Variants in ALK observed in about 807,000 individuals in gnomAD.
ALK encodes the protein ALK receptor tyrosine kinase, also known as ALK tyrosine kinase receptor.
In ALK, 74 loss-of-function variants were observed where a neutral mutation model predicts 163.1. The observed-to-expected ratio is 0.45, with a 90% CI of 0.38 to 0.55. The LOEUF (loss-of-function observed/expected upper bound fraction) is 0.55. Among genes scored for constraint, ALK ranks in the 20% least tolerant of loss-of-function variants. The pLI is 0.00. For missense variants in ALK, 2,063 were observed against 2,105.3 expected, an observed-to-expected ratio of 0.98 and a Z score of 0.39; for synonymous variants, 960 against 843.2, an observed-to-expected ratio of 1.14 and a Z score of -2.40.
chr2:29,391,310 G>T (rs1366811081), intron 4 of ALK, among the ~76,000 whole-genome samples: 3 of 142,696 alleles, frequency 2.1e-5, no homozygotes, highest in African/African-American at 7.7e-5. Flanking sequence ...TTTTTTGGGG[G>T]GGGGGTGGTG....
chr2:29,396,836 G>GTTTTTTTTTTTTTTTTTTTTT lies in ALK; in HGVS notation c.1155-12998_1155-12978dup, dbSNP rs10654058. On this transcript the variant is annotated intron_variant, in intron 4 of 28. Coordinates refer to ENST00000389048, the MANE Select transcript of ALK (RefSeq NM_004304.5). ...TACCCAGAGGCCCTTTGTTACTATG[G>GTTTTTTTTTTTTTTTTTTTTT]TTTTTTTTTTTTTTTTTTTTTTTTG... 4.1e-4 allele frequency among the ~76,000 whole-genome samples: 19 copies of GTTTTTTTTTTTTTTTTTTTTT among 46,618 alleles called. 6 individuals are homozygous for GTTTTTTTTTTTTTTTTTTTTT. Among genetic ancestry groups the GTTTTTTTTTTTTTTTTTTTTT allele is most frequent in the Admixed American group, 8.6e-4 (2 of 2,334 alleles). 30.6% of individuals were successfully genotyped at this position (46,618 alleles called of 152,430 possible). A position where few individuals can be genotyped will look rare whatever the true frequency, so the allele number is the denominator to read the frequency against.
chr2:29,776,491 T>A (rs1487049394), intron 1 of ALK, among the ~76,000 whole-genome samples: 1 of 152,172 alleles, frequency 6.6e-6, no homozygotes, highest in Non-Finnish European at 1.5e-5. Flanking sequence ...CTGCACCACT[T>A]TGGTCAGAGG....
intron 1 of ALK, among the ~76,000 whole-genome samples, chr2:29,825,748 G>A (rs937117456): frequency 2.0e-5 from 3 of 151,648 alleles, no homozygotes; most frequent in Admixed American, 6.6e-5. Context: ...CCAAAGATTC[G>A]ACAGATGAAG....
At chr2:29,808,056 G>C (rs1314625886) in intron 1 of ALK, among the ~76,000 whole-genome samples, 1 of 151,988 alleles carries the variant, frequency 6.6e-6, no homozygotes, top group African/African-American at 2.4e-5. Flanking sequence ...CTCATTGTTT[G>C]GTTTTCATTT....
chr2:29,648,969 T>G (rs1676962579), intron 3 of ALK, among the ~76,000 whole-genome samples: 1 of 152,192 alleles, frequency 6.6e-6, no homozygotes, highest in Non-Finnish European at 1.5e-5. Context: ...ATTCACATTT[T>G]GAACACATTT....
rs1023546745 is a variant in ALK, at chr2:29,295,265, C to A, written c.1817+1623G>T. 3.9e-5 allele frequency among the ~76,000 whole-genome samples: 6 copies of A among 152,006 alleles called. No homozygotes were observed. The South Asian group carries it at 1.2e-3, about 32-fold the overall frequency. ...GAAACTCTAGAGGATGAGAGTGAACCGAGTCAACATCTTACTTTAAATCCC... is the reference window on the plus strand; with the variant it reads ...GAAACTCTAGAGGATGAGAGTGAACAGAGTCAACATCTTACTTTAAATCCC... On this transcript the variant is annotated intron_variant, in intron 9 of 28. Coordinates refer to ENST00000389048, the MANE Select transcript of ALK (RefSeq NM_004304.5).
rs187324431 is a variant in ALK at position 29,564,526 on chromosome 2, C to T, written c.953-32410G>A. ...CAAAACGCCATCTCCTAGAAGATTT[C>T]CTGTCGCTACTGTTGTCATTCTGAG... On this transcript the variant is annotated intron_variant, in intron 3 of 28. Coordinates refer to ENST00000389048, the MANE Select transcript of ALK (RefSeq NM_004304.5). 4.0e-5 allele frequency among the ~76,000 whole-genome samples: 6 copies of T among 151,544 alleles called. No individual in the cohort carries two copies. In the East Asian group the frequency reaches 9.7e-4, roughly 25 times the overall value.
intron 4 of ALK, among the ~76,000 whole-genome samples, chr2:29,401,496 T>C (rs756959453): frequency 2.6e-5 from 4 of 152,180 alleles, no homozygotes; most frequent in Admixed American, 6.5e-5. Flanking sequence ...TTGTACAGCT[T>C]TCAAAACAAG....
intron 4 of ALK, among the ~76,000 whole-genome samples, chr2:29,491,549 A>G (rs953071451): frequency 6.6e-6 from 1 of 152,194 alleles, no homozygotes; most frequent in African/African-American, 2.4e-5. Context: ...CTTTGATTCT[A>G]AAATTGATGT....
In ALK at chr2:29,920,204, C is replaced by G. The variant is rs1553380299; in HGVS notation, c.456G>C (p.Glu152Asp). The G allele has an allele frequency of 6.2e-7, 1 of 1,613,442 alleles. No homozygotes were observed. The change falls in exon 1 of 29, where the codon GAG becomes GAC. Residue 152 changes from glutamate to aspartate, a missense_variant. Glu to Asp is a conservative substitution (Grantham distance 45). Coordinates refer to ENST00000389048, the MANE Select transcript of ALK (RefSeq NM_004304.5). The part of the protein sequence containing the change: ...VLELGEEAIL[E>D]GCVGPPGEAA... ...CCTCCCCGGGGGGCCCGACGCAACCCTCCAAGATCGCCTCCTCGCCCAGCT... is the reference window on the plus strand; with the variant it reads ...CCTCCCCGGGGGGCCCGACGCAACCGTCCAAGATCGCCTCCTCGCCCAGCT...
chr2:29,297,799 C>T (rs1046840672), intron 8 of ALK, among the ~76,000 whole-genome samples: 1 of 152,094 alleles, frequency 6.6e-6, no homozygotes, highest in Non-Finnish European at 1.5e-5. Context: ...AGTTTAAGTA[C>T]GATCATATTC....
At chr2:29,711,985 A>T (rs1378751328) in intron 2 of ALK, among the ~76,000 whole-genome samples, 1 of 151,926 alleles carries the variant, frequency 6.6e-6, no homozygotes, top group Admixed American at 6.6e-5. Context: ...GCATTTCCTT[A>T]CTCAACTTGC....
chr2:29,539,949 T>G (rs1673368623), intron 3 of ALK, among the ~76,000 whole-genome samples: 1 of 152,184 alleles, frequency 6.6e-6, no homozygotes, highest in Non-Finnish European at 1.5e-5. Context: ...AAGTTGTGAG[T>G]ATTCTTAATT....
chr2:29,655,135 A>C (rs6719138), intron 3 of ALK, among the ~76,000 whole-genome samples: 1 of 151,988 alleles, frequency 6.6e-6, no homozygotes, highest in African/African-American at 2.4e-5. Flanking sequence ...AGAATAAGCC[A>C]TGTCTGTCTC....
chr2:29,232,320 G>A lies in ALK; in HGVS notation c.2616C>T (p.Gly872=), dbSNP rs2148183266. ...GCGCTTTACCTGCGGCTCCGGAATT[G>A]CCGTTTAGCCCTAGAACCGAGGAGT... ...ENNSSVLGLN[G]NSGAAGGGGG... Residue 872 remains glycine, a synonymous_variant, in exon 15 of 29, where the codon GGC becomes GGT. Transcript: ENST00000389048. The A allele has an allele frequency of 4.3e-6, 7 of 1,614,250 alleles. No individual in the cohort carries two copies. The highest frequency in any genetic ancestry group is 5.9e-6 in the Non-Finnish European group (7 of 1,180,046).
At chr2:29,667,767 T>C (rs898088413) in intron 3 of ALK, among the ~76,000 whole-genome samples, 5 of 152,098 alleles carry the variant, frequency 3.3e-5, no homozygotes, top group African/African-American at 1.2e-4. Flanking sequence ...TGTGTCCTTG[T>C]CTGGTTTTGC....
intron 3 of ALK, among the ~76,000 whole-genome samples, chr2:29,688,675 T>C (rs2631986): frequency 0.86 from 130,239 of 152,170 alleles, 56,039 homozygotes; most frequent in African/African-American, 0.94. Context: ...AAGAAAGGAA[T>C]ATTGTTCTGC....
Position 29,745,408 on chromosome 2 carries a change from G to A in ALK, c.668-27711C>T, listed in dbSNP as rs559795327. Reference sequence around the variant, plus strand: ...ACACCCCTGAAAATGCTGGGCTCTAGAGAAGTTTGATATAAATGAACCCTC... The same window carrying A: ...ACACCCCTGAAAATGCTGGGCTCTAAAGAAGTTTGATATAAATGAACCCTC... On this transcript the variant is annotated intron_variant, in intron 1 of 28. Coordinates refer to ENST00000389048, the MANE Select transcript of ALK (RefSeq NM_004304.5). Among the ~76,000 whole-genome samples, 5 of 152,310 alleles carry A rather than the reference G, an allele frequency of 3.3e-5. No homozygotes were observed. In the South Asian group the frequency reaches 1.0e-3, roughly 32 times the overall value.
At chr2:29,517,921 C>T (rs1303863717) in intron 4 of ALK, among the ~76,000 whole-genome samples, 2 of 152,200 alleles carry the variant, frequency 1.3e-5, no homozygotes. Context: ...TCCTCCTTCA[C>T]CTGTCTTTAC....
Sources: gnomAD v4.1 joint callset for allele counts (sites outside exome capture counted in the v4.1 genomes callset) on GRCh38, gnomAD v4.1.1 for gene constraint, MANE v1.5 for transcripts, NCBI Gene and HGNC (gene_info 2026-07-23, HGNC 2026-07-21) for gene names.